Variants in USP1 observed in about 807,000 individuals in gnomAD.
USP1 encodes ubiquitin specific peptidase 1, also known as ubiquitin carboxyl-terminal hydrolase 1.
A neutral mutation model predicts 72.2 loss-of-function variants in USP1; 18 were observed. That is an observed-to-expected ratio of 0.25 (90% CI 0.17 to 0.37). USP1 has a LOEUF of 0.37. Ranked by LOEUF, USP1 falls within the 10% of genes least tolerant of loss-of-function variation. The pLI is 1.00. For synonymous variants in USP1, 354 were observed against 303.7 expected (o/e 1.17, Z -1.72); for missense variants, 759 against 884.9 (o/e 0.86, Z 1.81).
intron 1 of USP1, among the ~76,000 whole-genome samples, chr1:62,439,492 A>G (rs1036966288): frequency 1.3e-5 from 2 of 152,218 alleles, no homozygotes; most frequent in Admixed American, 6.5e-5. Context: ...CCTTGAAATA[A>G]TAAGTTTTTA....
At chr1:62,442,116 A>G (rs1448990348) in intron 3 of USP1, 79 bp from the exon 4 acceptor site, 3 of 1,006,258 alleles carry the variant, frequency 3.0e-6, no homozygotes, top group African/African-American at 1.6e-5. Context: ...AGTGCTCTAT[A>G]GAAAGCATGA....
At chr1:62,443,578 T>G (rs1287404896) in intron 5 of USP1, among the ~76,000 whole-genome samples, 4 of 152,222 alleles carry the variant, frequency 2.6e-5, no homozygotes, top group Non-Finnish European at 5.9e-5. Flanking sequence ...TCATACATGC[T>G]TCTATAGAAG....
chr1:62,436,902 G>T (rs1645091638), upstream of USP1: 2 of 388,278 alleles, frequency 5.2e-6, no homozygotes, highest in Non-Finnish European at 9.1e-6. Context: ...GCCCGTGCGT[G>T]CCAGGGGCGA....
chr1:62,445,531 T>C, intron 6 of USP1, 102 bp downstream of exon 6: 1 of 1,147,612 alleles, frequency 8.7e-7, no homozygotes, highest in Non-Finnish European at 1.2e-6. Flanking sequence ...CTGGCTAAAA[T>C]TGTTTCAAGA....
In USP1 at chr1:62,447,353, T is replaced by C. The variant is rs1314609649; in HGVS notation, c.1262T>C (p.Ile421Thr). ...VKPINKGEEQ[I>T]GFELVEKLFQ... ...ATTTTCATTTTAGGTGAAGAACAAA[T>C]TGGTTTTGAGCTAGTGGAGAAATTA... The change falls in exon 7 of 9, where the codon ATT becomes ACT. Residue 421 changes from isoleucine to threonine, a missense_variant. Around this residue, in one of 9 missense-constraint regions of USP1, gnomAD observed 245 missense variants for 240.7 expected, o/e 1.02. Coordinates refer to ENST00000339950, the MANE Select transcript of USP1 (RefSeq NM_003368.5). 6.2e-7 allele frequency: 1 copy of C among 1,612,840 alleles called. No individual in the cohort carries two copies. The highest frequency in any genetic ancestry group is 2.2e-5 in the East Asian group (1 of 44,844).
Position 62,439,954 on chromosome 1 carries a change from GA to G in USP1, c.92del (p.Lys31ArgfsTer39). ...ACAGACTTTCCTTAAAGTTTTTTCA[GA>G]AAAAGGAAACTAAGAGAGCTTTGGA... Reference protein sequence around the residue: ...KNRLSLKFFQKKETKRALDFT... With the variant: ...KNRLSLKFFQXKETKRALDFT... On this transcript the variant is annotated frameshift_variant, in exon 2 of 9. Coordinates refer to ENST00000339950, the MANE Select transcript of USP1 (RefSeq NM_003368.5). LOFTEE classifies it high-confidence loss of function. 3 of 1,565,420 alleles carry G rather than the reference GA, an allele frequency of 1.9e-6. No individual in the cohort carries two copies. Among genetic ancestry groups the G allele is most frequent in the Non-Finnish European group, 2.6e-6 (3 of 1,160,626 alleles).
At chr1:62,439,069 G>A (rs1188188533) in intron 1 of USP1, among the ~76,000 whole-genome samples, 2 of 152,170 alleles carry the variant, frequency 1.3e-5, no homozygotes, top group East Asian at 3.8e-4. Context: ...TGGAAGAGAG[G>A]ACTCATCGTC....
At chr1:62,448,869 A>G (rs565628429) in intron 8 of USP1, among the ~76,000 whole-genome samples, 3 of 152,270 alleles carry the variant, frequency 2.0e-5, no homozygotes, top group Admixed American at 2.0e-4. Flanking sequence ...TACATATTCT[A>G]TTAAGTATGA....
intron 1 of USP1, among the ~76,000 whole-genome samples, chr1:62,439,038 G>T (rs777287151): frequency 1.3e-5 from 2 of 152,108 alleles, no homozygotes; most frequent in Non-Finnish European, 2.9e-5. Flanking sequence ...ATATATCCAT[G>T]TTAATAACTA....
chr1:62,446,086 T>C (rs1444023147), intron 6 of USP1, among the ~76,000 whole-genome samples: 1 of 152,192 alleles, frequency 6.6e-6, no homozygotes, highest in Non-Finnish European at 1.5e-5. Flanking sequence ...ATGAAGGACA[T>C]TGCATTTAGT....
chr1:62,437,800 C>A (rs956976127), intron 1 of USP1, among the ~76,000 whole-genome samples: 1 of 152,170 alleles, frequency 6.6e-6, no homozygotes, highest in South Asian at 2.1e-4. Flanking sequence ...GAAATTTTAC[C>A]GCGCATTTTC....
chr1:62,443,141 G>C lies in USP1; in HGVS notation c.397-18G>C, dbSNP rs370324199. ...TTTGTTCATAAAATTATTGGTTTGT[G>C]TGTTTCTTTCTTGACAGGGAAATTG... On this transcript the variant is annotated intron_variant, in intron 4 of 8. Coordinates refer to ENST00000339950, the MANE Select transcript of USP1 (RefSeq NM_003368.5). 2 of 1,604,748 alleles carry C rather than the reference G, an allele frequency of 1.2e-6. No individual in the cohort carries two copies. The highest frequency in any genetic ancestry group is 1.7e-6 in the Non-Finnish European group (2 of 1,176,600).
Position 62,450,471 on chromosome 1 carries a change from C to T in USP1, c.1848C>T (p.Asp616=). 6.2e-7 allele frequency: 1 copy of T among 1,613,928 alleles called. No homozygotes were observed. The highest frequency in any genetic ancestry group is 8.5e-7 in the Non-Finnish European group (1 of 1,180,006). ...TAGATAAAGGAAATTTTGTGGTTGACCAAATGTGTGAAATAGGTAAGCCAG... is the reference window on the plus strand; with the variant it reads ...TAGATAAAGGAAATTTTGTGGTTGATCAAATGTGTGAAATAGGTAAGCCAG... ...LELDKGNFVV[D]QMCEIGKPEP... The change falls in exon 9 of 9, where the codon GAC becomes GAT. Residue 616 remains aspartate, a synonymous_variant. Transcript: ENST00000339950.
rs918368363 is a variant in USP1 at position 62,451,750 on chromosome 1, T to G, written c.*769T>G. The G allele has an allele frequency of 6.6e-6, 1 of 152,576 alleles. No individual in the cohort carries two copies. The highest frequency in any genetic ancestry group is 2.4e-5 in the African/African-American group (1 of 41,416). 9.5% of individuals were successfully genotyped at this position (152,576 alleles called of 1,614,324 possible). On this transcript the variant is annotated 3_prime_UTR_variant, in exon 9 of 9. Transcript: ENST00000339950. ...ACTGCTTAACTATGTATATGAATAT[T>G]TGAATTTTTTACTTGTATATTTTTA... is the stretch of plus-strand genomic sequence containing the variant.
At chr1:62,438,190 A>G (rs1034339656) in intron 1 of USP1, among the ~76,000 whole-genome samples, 5 of 152,058 alleles carry the variant, frequency 3.3e-5, no homozygotes, top group Non-Finnish European at 7.4e-5. Context: ...CACCTGCCTA[A>G]TCATTCTTCC....
In USP1 at chr1:62,440,402, C is replaced by G. The variant is rs527323811; in HGVS notation, c.170+365C>G. Among the ~76,000 whole-genome samples the G allele has an allele frequency of 1.2e-4, 17 of 139,252 alleles. No homozygotes were observed. The East Asian group carries it at 3.4e-3, about 28-fold the overall frequency. 91.4% of individuals were successfully genotyped at this position (139,252 alleles called of 152,430 possible). Reference sequence around the variant, plus strand: ...ATATATATTTGTTTGGTTCAGAAGACTTGACAGTTATAAGACATTTTAAAC... The same window carrying G: ...ATATATATTTGTTTGGTTCAGAAGAGTTGACAGTTATAAGACATTTTAAAC... On this transcript the variant is annotated intron_variant, in intron 2 of 8. Transcript: ENST00000339950.
chr1:62,440,406 ACAGTTATAAGACAT>A (rs1239199454), intron 2 of USP1, among the ~76,000 whole-genome samples: 2 of 135,554 alleles, frequency 1.5e-5, no homozygotes, highest in Admixed American at 1.5e-4. Context: ...AGAAGACTTG[ACAGTTATAAGACAT>A]TTTAAACTCT....
In USP1 at chr1:62,441,492, C is replaced by A. The variant is rs377527620; in HGVS notation, c.175C>A (p.Gln59Lys). ...ASEYRASEID[Q>K]VVPAAQSSPI... Reference sequence around the variant, plus strand: ...TCTCCCTTCTATATTTCATAGTGATCAAGTTGTTCCTGCAGCACAGTCTTC... The same window carrying A: ...TCTCCCTTCTATATTTCATAGTGATAAAGTTGTTCCTGCAGCACAGTCTTC... Residue 59 changes from glutamine to lysine, a missense_variant, in exon 3 of 9, where the codon CAA (glutamine) becomes AAA (lysine). Physicochemically the swap from Gln to Lys is moderately conservative, Grantham distance 53 (BLOSUM62 1). Coordinates refer to ENST00000339950, the MANE Select transcript of USP1 (RefSeq NM_003368.5). The A allele has an allele frequency of 6.3e-5, 101 of 1,603,012 alleles. No individual in the cohort carries two copies. Among genetic ancestry groups the A allele is most frequent in the Non-Finnish European group, 8.2e-5 (96 of 1,176,772 alleles).
chr1:62,449,093 A>C (rs530843098), intron 8 of USP1, among the ~76,000 whole-genome samples: 302 of 152,306 alleles, frequency 2.0e-3, no homozygotes, highest in African/African-American at 7.0e-3. Context: ...CATGTTGCCC[A>C]GTCTGATCTT....
Sources: gnomAD v4.1 joint callset for allele counts (sites outside exome capture counted in the v4.1 genomes callset) on GRCh38, gnomAD v4.1.1 for gene constraint, gnomAD v4.1.1 regional missense constraint, MANE v1.5 for transcripts, NCBI Gene and HGNC (gene_info 2026-07-23, HGNC 2026-07-21) for gene names.